GRIN3A: variants seen among roughly 807,000 people sequenced by gnomAD.
GRIN3A encodes the protein glutamate ionotropic receptor NMDA type subunit 3A, also known as glutamate receptor ionotropic, NMDA 3A.
A neutral mutation model predicts 92.4 loss-of-function variants in GRIN3A; 47 were observed. The observed-to-expected ratio is 0.51, with a 90% CI of 0.40 to 0.65. GRIN3A has a LOEUF of 0.65. GRIN3A is among the 30% of genes least tolerant of loss of function. The pLI is 0.00. For synonymous variants in GRIN3A, 527 were observed against 540.6 expected (o/e 0.97, Z 0.35); for missense variants, 1,324 against 1,393.1 (o/e 0.95, Z 0.79).
chr9:101,630,652 T>C (rs1245554831), intron 3 of GRIN3A, among the ~76,000 whole-genome samples: 1 of 152,208 alleles, frequency 6.6e-6, no homozygotes, highest in Non-Finnish European at 1.5e-5. Flanking sequence ...CTGGATTTGC[T>C]ACTTGTATGC....
chr9:101,638,193 A>G (rs910938571), intron 3 of GRIN3A, among the ~76,000 whole-genome samples: 5 of 152,244 alleles, frequency 3.3e-5, no homozygotes, highest in African/African-American at 4.8e-5. Context: ...ATGAAAGTGT[A>G]GAGCCTATCA....
intron 3 of GRIN3A, among the ~76,000 whole-genome samples, chr9:101,644,460 C>CAAAAAAA (rs35576054): frequency 2.1e-5 from 2 of 95,128 alleles, no homozygotes; most frequent in East Asian, 6.0e-4. Context: ...ATTAGTCACT[C>CAAAAAAA]AAAAAAAAAA....
intron 6 of GRIN3A, among the ~76,000 whole-genome samples, chr9:101,598,709 C>T (rs1156670123): frequency 3.3e-5 from 5 of 152,148 alleles, no homozygotes; most frequent in African/African-American, 9.7e-5. Context: ...TACCAGCCTG[C>T]CCTGGACACC....
chr9:101,571,410 G>C lies in GRIN3A; in HGVS notation c.*1764C>G, dbSNP rs1007139085. ...ATCCAGTAGTAGAGGGAGAAGTTTT[G>C]TGACTGAGACACCTTTCCAGTGATC... is the stretch of plus-strand genomic sequence containing the variant. On this transcript the variant is annotated 3_prime_UTR_variant, in exon 9 of 9. Transcript: ENST00000361820. 4 of 152,300 alleles carry C rather than the reference G, an allele frequency of 2.6e-5. No homozygotes were observed. The highest frequency in any genetic ancestry group is 9.6e-5 in the African/African-American group (4 of 41,562). The allele number at this position is 152,300 out of a possible 1,614,324, so 9.4% of individuals were successfully genotyped here.
chr9:101,586,435 C>T (rs530470873), intron 6 of GRIN3A, among the ~76,000 whole-genome samples: 83 of 152,190 alleles, frequency 5.5e-4, no homozygotes, highest in Non-Finnish European at 1.1e-3. Context: ...CCCCCACCCC[C>T]GATCCCAAAC....
intron 3 of GRIN3A, among the ~76,000 whole-genome samples, chr9:101,641,516 A>G (rs1276384857): frequency 6.6e-6 from 1 of 152,146 alleles, no homozygotes; most frequent in Admixed American, 6.5e-5. Flanking sequence ...CATTCTCAGC[A>G]AACTATCGCA....
chr9:101,623,521 A>T, intron 4 of GRIN3A, 88 bp from the exon 5 acceptor site: 1 of 916,268 alleles, frequency 1.1e-6, no homozygotes, highest in Non-Finnish European at 1.8e-6. Context: ...TGTTTAGGGG[A>T]CAGAACCCGA....
intron 1 of GRIN3A, among the ~76,000 whole-genome samples, chr9:101,714,932 A>G (rs927866559): frequency 2.6e-5 from 4 of 152,162 alleles, no homozygotes; most frequent in Admixed American, 1.3e-4. Context: ...TAAATGTCCA[A>G]TGATCATAAA....
intron 1 of GRIN3A, among the ~76,000 whole-genome samples, chr9:101,732,956 G>A (rs1830158610): frequency 6.6e-6 from 1 of 152,116 alleles, no homozygotes; most frequent in Non-Finnish European, 1.5e-5. Context: ...GGCAGATTGG[G>A]AACATTTTGG....
chr9:101,643,253 A>G (rs1013110317), intron 3 of GRIN3A, among the ~76,000 whole-genome samples: 4 of 152,162 alleles, frequency 2.6e-5, no homozygotes, highest in Non-Finnish European at 2.9e-5. Flanking sequence ...TTGAATAGAT[A>G]TTTTTCCAAA....
At chr9:101,729,422 G>C (rs1830114915) in intron 1 of GRIN3A, among the ~76,000 whole-genome samples, 1 of 152,110 alleles carries the variant, frequency 6.6e-6, no homozygotes, top group Admixed American at 6.5e-5. Context: ...AGTTTCTAGT[G>C]ACTGCCTGTA....
In GRIN3A at chr9:101,628,390, A is replaced by C. The variant is rs776556496; in HGVS notation, c.2364T>G (p.Pro788=). The change falls in exon 4 of 9, where the codon CCT becomes CCG. Residue 788 remains proline, a synonymous_variant. Coordinates refer to ENST00000361820, the MANE Select transcript of GRIN3A (RefSeq NM_133445.3). The part of the protein sequence containing the change: ...SGIHDPKLHH[P]SQGFRFGTVR... ...CAGTTCCAAAGCGGAATCCTTGGGA[A>C]GGATGATGTAACTATGAGGGAGAAA... 7 of 1,613,848 alleles carry C rather than the reference A, an allele frequency of 4.3e-6. No individual in the cohort carries two copies. The Admixed American group carries it at 1.0e-4, about 23-fold the overall frequency.
intron 3 of GRIN3A, among the ~76,000 whole-genome samples, chr9:101,666,989 A>G (rs571432960): frequency 7.9e-5 from 12 of 152,126 alleles, no homozygotes; most frequent in Non-Finnish European, 1.8e-4. Context: ...TCTATTGTTC[A>G]AAAATGGCCA....
chr9:101,713,764 A>G (rs1417445485), intron 1 of GRIN3A, among the ~76,000 whole-genome samples: 1 of 152,088 alleles, frequency 6.6e-6, no homozygotes, highest in Non-Finnish European at 1.5e-5. Context: ...TAGAATAAGA[A>G]TTCTTCCCGC....
chr9:101,692,035 T>C (rs187452962), intron 1 of GRIN3A, among the ~76,000 whole-genome samples: 2 of 152,324 alleles, frequency 1.3e-5, no homozygotes, highest in East Asian at 3.9e-4. Flanking sequence ...GTAGTAGTTG[T>C]TACAATTGAC....
chr9:101,622,037 C>T (rs983459453), intron 5 of GRIN3A, among the ~76,000 whole-genome samples: 1 of 152,328 alleles, frequency 6.6e-6, no homozygotes, highest in Non-Finnish European at 1.5e-5. Context: ...AAGACCACTA[C>T]TGCTAATTGC....
chr9:101,574,953 C>G (rs1446536825), intron 8 of GRIN3A, among the ~76,000 whole-genome samples: 2 of 152,228 alleles, frequency 1.3e-5, no homozygotes, highest in Admixed American at 6.5e-5. Flanking sequence ...TTCCCCATCC[C>G]CCAAAGTTGG....
chr9:101,577,445 T>C (rs1430092927), intron 8 of GRIN3A, among the ~76,000 whole-genome samples: 1 of 152,202 alleles, frequency 6.6e-6, no homozygotes, highest in East Asian at 1.9e-4. Context: ...TGTTTTTATC[T>C]CTACTTTACA....
intron 3 of GRIN3A, 22 bp from the exon 4 acceptor site, chr9:101,628,423 G>A: frequency 1.9e-6 from 3 of 1,607,934 alleles, no homozygotes; most frequent in Non-Finnish European, 2.6e-6. Flanking sequence ...AAAAAGAAAT[G>A]GCTTAAATAA....
Sources: gnomAD v4.1 joint callset for allele counts (sites outside exome capture counted in the v4.1 genomes callset) on GRCh38, gnomAD v4.1.1 for gene constraint, MANE v1.5 for transcripts, NCBI Gene and HGNC (gene_info 2026-07-23, HGNC 2026-07-21) for gene names.